The following SMG1 variants were observed in gnomAD, a reference collection of about 807,000 sequenced individuals.
SMG1 encodes the protein SMG1 nonsense mediated mRNA decay associated PI3K related kinase.
SMG1 carries 22 observed loss-of-function variants against 419.9 expected under a neutral mutation model. The observed-to-expected ratio is 0.05, with a 90% CI of 0.04 to 0.07. SMG1 has a LOEUF of 0.07. Among genes scored for constraint, SMG1 ranks in the 10% least tolerant of loss-of-function variants. The pLI is 1.00. For missense variants in SMG1, 3,185 were observed against 4,342.0 expected, an observed-to-expected ratio of 0.73 and a Z score of 7.49; for synonymous variants, 1,538 against 1,553.5, an observed-to-expected ratio of 0.99 and a Z score of 0.23.
intron 13 of SMG1, among the ~76,000 whole-genome samples, chr16:18,874,507 C>T (rs1355616899): frequency 1.4e-5 from 2 of 144,514 alleles, no homozygotes; most frequent in African/African-American, 5.1e-5. Flanking sequence ...AGAAGAAATA[C>T]ACAAACCATA....
chr16:18,820,968 T>G (rs1411088217), intron 55 of SMG1, among the ~76,000 whole-genome samples: 1 of 152,294 alleles, frequency 6.6e-6, no homozygotes, highest in East Asian at 1.9e-4. Flanking sequence ...GTACATAGCT[T>G]TCAATATCCA....
chr16:18,866,390 G>T (rs1409059924), intron 23 of SMG1: 7 of 563,854 alleles, frequency 1.2e-5, no homozygotes, highest in Non-Finnish European at 1.9e-5. Context: ...TAACTGACAG[G>T]TCTTGTTTTA....
Position 18,836,484 on chromosome 16 carries a change from T to C in SMG1, c.7653A>G (p.Glu2551=). Residue 2551 remains glutamate (E), a synonymous_variant, in exon 47 of 63, where the codon GAA becomes GAG. Coordinates refer to ENST00000446231, the MANE Select transcript of SMG1 (RefSeq NM_015092.5). ...ATTCATTCAGCTTCACCTGGATTGC[T>C]TCCTGAACAGCTCTTTGCTGAGTCT... The part of the protein sequence containing the change: ...QLQTQQRAVQ[E]AIQVKLNEFE... The C allele has an allele frequency of 6.2e-7, 1 of 1,614,070 alleles. No individual in the cohort carries two copies. The highest frequency in any genetic ancestry group is 8.5e-7 in the Non-Finnish European group (1 of 1,179,900).
At position 18,839,915 on chromosome 16, in the gene SMG1, G is replaced by A. The variant is rs1220679779; in HGVS notation, c.6728C>T (p.Pro2243Leu). The change falls in exon 42 of 63, where the codon CCT becomes CTT. Residue 2243 changes from proline to leucine, a missense_variant. Coordinates refer to ENST00000446231, the MANE Select transcript of SMG1 (RefSeq NM_015092.5). ...AQDSYQTPQN[P>L]GIVPRPSELY... ...TTCACTAGGACGGGGTACAATTCCA[G>A]GATTCTGAGGAGTTTGGTAGGAATC... is the stretch of plus-strand genomic sequence containing the variant. 3 of 1,601,840 alleles carry A rather than the reference G, an allele frequency of 1.9e-6. No homozygotes were observed. The highest frequency in any genetic ancestry group is 2.6e-6 in the Non-Finnish European group (3 of 1,173,538).
chr16:18,897,081 T>C, intron 1 of SMG1, 125 bp from the exon 2 acceptor site: 5 of 627,354 alleles, frequency 8.0e-6, no homozygotes, highest in Non-Finnish European at 1.4e-5. Flanking sequence ...ATGTACTATA[T>C]ATTATATGTA....
At chr16:18,879,233 A>G in intron 11 of SMG1, 1 of 452,884 alleles carries the variant, frequency 2.2e-6, no homozygotes, top group South Asian at 2.1e-5. Context: ...CTCCTCCCTC[A>G]GCCTCCCGAG....
chr16:18,863,608 T>C, intron 25 of SMG1, 42 bp downstream of exon 25: 1 of 1,531,724 alleles, frequency 6.5e-7, no homozygotes, highest in African/African-American at 1.4e-5. Flanking sequence ...AACATCATAG[T>C]TATTGGAAAT....
chr16:18,817,193 A>G, intron 57 of SMG1, 98 bp downstream of exon 57: 1 of 955,062 alleles, frequency 1.0e-6, no homozygotes, highest in Non-Finnish European at 1.4e-6. Context: ...TACATACAGT[A>G]TATGCTCAAC....
intron 12 of SMG1, 108 bp from the exon 13 acceptor site, chr16:18,876,501 A>G: frequency 7.3e-7 from 1 of 1,363,052 alleles, no homozygotes; most frequent in Admixed American, 2.4e-5. Flanking sequence ...AAATAAATTT[A>G]AGATCGATCA....
At chr16:18,902,218 T>G (rs2037375763) in intron 1 of SMG1, among the ~76,000 whole-genome samples, 1 of 152,172 alleles carries the variant, frequency 6.6e-6, no homozygotes, top group Non-Finnish European at 1.5e-5. Flanking sequence ...CAGGAAGGTA[T>G]CATTTTTCAC....
At chr16:18,881,640 G>A (rs2036402223) in intron 10 of SMG1, among the ~76,000 whole-genome samples, 1 of 152,102 alleles carries the variant, frequency 6.6e-6, no homozygotes, top group South Asian at 2.1e-4. Context: ...CTCATTGGAT[G>A]TGCTACATAC....
chr16:18,838,581 G>C lies in SMG1; in HGVS notation c.7054C>G (p.His2352Asp). The change falls in exon 43 of 63, where the codon CAC (histidine) becomes GAC (aspartate). Residue 2352 changes from histidine (H) to aspartate (D), a missense_variant. This residue lies in a region of SMG1 where 60 missense variants were observed against 133.9 expected (regional missense o/e 0.45). Coordinates refer to ENST00000446231, the MANE Select transcript of SMG1 (RefSeq NM_015092.5). ...TCAAAGCAAACATTGTAATCTATGT[G>C]AACAACTTCTCCAGTCGTCATATCT... is the stretch of plus-strand genomic sequence containing the variant. ...LIDMTTGEVVHIDYNVCFEKG... is the reference protein window; with the variant it reads ...LIDMTTGEVVDIDYNVCFEKG... The C allele has an allele frequency of 1.2e-6, 2 of 1,613,152 alleles. No homozygotes were observed. Among genetic ancestry groups the C allele is most frequent in the Non-Finnish European group, 1.7e-6 (2 of 1,179,248 alleles).
At chr16:18,841,908 A>C in intron 40 of SMG1, 114 bp from the exon 41 acceptor site, 1 of 876,332 alleles carries the variant, frequency 1.1e-6, no homozygotes, top group Non-Finnish European at 1.9e-6. Context: ...CATGAGGCAC[A>C]CTGAGAGCAT....
intron 11 of SMG1, 152 bp from the exon 12 acceptor site, chr16:18,877,384 G>A (rs776835141): frequency 2.4e-5 from 12 of 505,968 alleles, no homozygotes; most frequent in South Asian, 2.1e-4. Flanking sequence ...AAGGCAAAAC[G>A]ACGGAGACAG....
intron 36 of SMG1, 65 bp downstream of exon 36, chr16:18,849,152 G>T: frequency 1.9e-5 from 16 of 855,998 alleles, no homozygotes; most frequent in East Asian, 1.5e-4. Context: ...TAAAAACTTT[G>T]ACCTCACTAA....
chr16:18,875,365 T>A (rs2036065313), intron 13 of SMG1: 1 of 152,498 alleles, frequency 6.6e-6, no homozygotes, highest in Non-Finnish European at 1.5e-5. Context: ...CCAAGGCAGG[T>A]GGATCACCTG....
chr16:18,831,024 T>C (rs986621464), intron 51 of SMG1, among the ~76,000 whole-genome samples: 1 of 152,188 alleles, frequency 6.6e-6, no homozygotes, highest in African/African-American at 2.4e-5. Flanking sequence ...AATTGTCAGG[T>C]ATGTTCGCAC....
At chr16:18,860,079 A>G (rs1025648779) in intron 26 of SMG1, among the ~76,000 whole-genome samples, 14 of 152,130 alleles carry the variant, frequency 9.2e-5, no homozygotes, top group Admixed American at 6.5e-4. Context: ...TTACCTGGGC[A>G]CGGTGGCAGA....
At chr16:18,819,025 G>A (rs992969048) in intron 56 of SMG1, among the ~76,000 whole-genome samples, 25 of 151,958 alleles carry the variant, frequency 1.6e-4, no homozygotes, top group African/African-American at 5.6e-4. Flanking sequence ...CACCATATTG[G>A]TCACGCTGGT....
Sources: allele counts gnomAD v4.1 joint callset (sites outside exome capture counted in the v4.1 genomes callset), GRCh38; gene constraint gnomAD v4.1.1; regional missense constraint gnomAD v4.1.1; transcripts MANE v1.5; gene names NCBI Gene and HGNC (gene_info 2026-07-23, HGNC 2026-07-21).